The following SERGEF variants were observed in gnomAD, a reference collection of about 807,000 sequenced individuals.
SERGEF encodes the protein secretion regulating guanine nucleotide exchange factor.
A neutral mutation model predicts 50.0 loss-of-function variants in SERGEF; 51 were observed. The ratio of observed to expected loss-of-function variants is 1.02; its 90% confidence interval spans 0.81 to 1.29. The LOEUF is 1.29. SERGEF is among the 50% of genes most tolerant of loss of function. The pLI is 0.00. For missense variants in SERGEF, 521 were observed against 557.0 expected (o/e 0.94, Z 0.65); for synonymous variants, 205 against 212.4 (o/e 0.97, Z 0.30).
intron 10 of SERGEF, among the ~76,000 whole-genome samples, chr11:17,871,964 C>T (rs775918796): frequency 3.3e-5 from 5 of 152,084 alleles, no homozygotes; most frequent in African/African-American, 7.2e-5. Flanking sequence ...TATCAAAAGG[C>T]GTGTATAAGA....
At chr11:17,870,247 G>C (rs189283558) in intron 10 of SERGEF, among the ~76,000 whole-genome samples, 1 of 152,236 alleles carries the variant, frequency 6.6e-6, no homozygotes, top group East Asian at 1.9e-4. Flanking sequence ...AAATTATCCA[G>C]TCTTGGGCAG....
At chr11:17,905,068 A>G (rs1851812534) in intron 9 of SERGEF, among the ~76,000 whole-genome samples, 1 of 152,250 alleles carries the variant, frequency 6.6e-6, no homozygotes, top group South Asian at 2.1e-4. Context: ...ACTTTAGTAC[A>G]TCTATAAGAA....
chr11:17,824,186 A>C (rs1218500632), intron 10 of SERGEF, among the ~76,000 whole-genome samples: 1 of 152,124 alleles, frequency 6.6e-6, no homozygotes, highest in African/African-American at 2.4e-5. Flanking sequence ...CTGTAGTCCT[A>C]GCTACTCAGG....
At chr11:17,985,110 T>C (rs1853567200) in intron 8 of SERGEF, among the ~76,000 whole-genome samples, 1 of 152,220 alleles carries the variant, frequency 6.6e-6, no homozygotes, top group African/African-American at 2.4e-5. Context: ...TGATATTGAG[T>C]ATGGCATCCC....
intron 9 of SERGEF, among the ~76,000 whole-genome samples, chr11:17,958,640 T>C (rs1852925519): frequency 6.6e-6 from 1 of 152,208 alleles, no homozygotes; most frequent in South Asian, 2.1e-4. Context: ...CCAGCCCATC[T>C]TTCTGATATT....
intron 9 of SERGEF, among the ~76,000 whole-genome samples, chr11:17,953,273 C>T (rs1402741062): frequency 2.6e-5 from 4 of 152,202 alleles, no homozygotes; most frequent in Non-Finnish European, 5.9e-5. Flanking sequence ...AACTGTTCCA[C>T]TCTTCTCTGC....
At chr11:17,886,809 A>G (rs1409847914) in intron 9 of SERGEF, among the ~76,000 whole-genome samples, 1 of 152,146 alleles carries the variant, frequency 6.6e-6, no homozygotes, top group Non-Finnish European at 1.5e-5. Flanking sequence ...CTTTTCCCAT[A>G]GTGCCCTTCT....
Position 17,898,280 on chromosome 11 carries a change from G to C in SERGEF, c.1012-20036C>G, listed in dbSNP as rs2133917990. Among the ~76,000 whole-genome samples the C allele has an allele frequency of 1.3e-5, 2 of 152,308 alleles. 1 individual carries two copies. The highest frequency in any genetic ancestry group is 4.1e-4 in the South Asian group (2 of 4,822). ...CTGTCACCCTCTGCCACACACAGCAGGAAGGGTGCACGGCAGGGAGAAAGG... is the reference window on the plus strand; with the variant it reads ...CTGTCACCCTCTGCCACACACAGCACGAAGGGTGCACGGCAGGGAGAAAGG... On this transcript the variant is annotated intron_variant, in intron 9 of 10. Transcript: ENST00000265965.
intron 10 of SERGEF, among the ~76,000 whole-genome samples, chr11:17,839,928 G>A (rs1453314791): frequency 6.6e-6 from 1 of 152,224 alleles, no homozygotes; most frequent in African/African-American, 2.4e-5. Context: ...AGGTCCTTCT[G>A]ACTTCAAGGA....
chr11:17,923,336 G>A (rs1590199910), intron 9 of SERGEF, among the ~76,000 whole-genome samples: 1 of 152,248 alleles, frequency 6.6e-6, no homozygotes, highest in East Asian at 1.9e-4. Context: ...CTGGCCAGAA[G>A]TGGTGGGGTG....
At chr11:17,970,396 C>A (rs974359173) in intron 8 of SERGEF, among the ~76,000 whole-genome samples, 1 of 152,284 alleles carries the variant, frequency 6.6e-6, no homozygotes, top group South Asian at 2.1e-4. Context: ...CCGACCAGCC[C>A]TTCTTCCATC....
intron 9 of SERGEF, among the ~76,000 whole-genome samples, chr11:17,879,663 A>G (rs1169209146): frequency 6.6e-6 from 1 of 152,186 alleles, no homozygotes; most frequent in Non-Finnish European, 1.5e-5. Context: ...AGGTTCATCC[A>G]TGTTATTATA....
chr11:17,801,214 AAAAAAAAATTCAAGG>A (rs1849664550), intron 10 of SERGEF, among the ~76,000 whole-genome samples: 1 of 150,624 alleles, frequency 6.6e-6, no homozygotes, highest in Non-Finnish European at 1.5e-5. Flanking sequence ...AAAAAGAAAG[AAAAAAAAATTCAAGG>A]GGAAGCAGGG....
intron 10 of SERGEF, among the ~76,000 whole-genome samples, chr11:17,808,629 T>A (rs1366021106): frequency 6.6e-6 from 1 of 152,146 alleles, no homozygotes; most frequent in South Asian, 2.1e-4. Flanking sequence ...TGTCACCCAA[T>A]GATAATTACC....
At chr11:17,998,831 GAA>G (rs141697385) in intron 5 of SERGEF, among the ~76,000 whole-genome samples, 1 of 143,052 alleles carries the variant, frequency 7.0e-6, no homozygotes, top group African/African-American at 2.6e-5. Flanking sequence ...TACAGGCCAG[GAA>G]AAAAAAAAAA....
chr11:18,000,611 T>G (rs1853940466), intron 4 of SERGEF, 54 bp from the exon 5 acceptor site: 1 of 1,268,148 alleles, frequency 7.9e-7, no homozygotes, highest in South Asian at 1.3e-5. Flanking sequence ...CTACAAAATT[T>G]TATGTAATTT....
intron 9 of SERGEF, among the ~76,000 whole-genome samples, chr11:17,947,250 G>T (rs1207803757): frequency 6.6e-6 from 1 of 152,142 alleles, no homozygotes; most frequent in Non-Finnish European, 1.5e-5. Flanking sequence ...ACTTGAAATG[G>T]CAACTGAAGT....
At chr11:17,875,777 A>G (rs2237930) in intron 10 of SERGEF, among the ~76,000 whole-genome samples, 86,934 of 152,062 alleles carry the variant, frequency 0.57, 25,170 homozygotes, top group East Asian at 0.85. Context: ...TCAGACATTA[A>G]GGTTGCTTAT....
chr11:17,901,695 C>T (rs1198201861), intron 9 of SERGEF, among the ~76,000 whole-genome samples: 2 of 152,204 alleles, frequency 1.3e-5, no homozygotes, highest in Non-Finnish European at 2.9e-5. Context: ...GAAGTCTTTC[C>T]TAATCTTCCA....
Sources: allele counts gnomAD v4.1 joint callset (sites outside exome capture counted in the v4.1 genomes callset), GRCh38; gene constraint gnomAD v4.1.1; transcripts MANE v1.5; gene names NCBI Gene and HGNC (gene_info 2026-07-23, HGNC 2026-07-21).